The following FRMD6 variants were observed in gnomAD, a reference collection of about 807,000 sequenced individuals.
FRMD6 encodes FERM domain-containing protein 6.
FRMD6 carries 37 observed loss-of-function variants against 73.2 expected under a neutral mutation model. The ratio of observed to expected loss-of-function variants is 0.51; its 90% CI spans 0.39 to 0.66. FRMD6 has a LOEUF of 0.66. Ranked by LOEUF, FRMD6 falls within the 30% of genes least tolerant of loss-of-function variation. The probability of loss-of-function intolerance (pLI) is 0.00; values close to 1 mark genes in which losing one functional copy is unlikely to be tolerated. For missense variants in FRMD6, 714 were observed against 780.5 expected (o/e 0.91, Z 1.02); for synonymous variants, 273 against 282.2 (o/e 0.97, Z 0.33).
At chr14:51,409,219 A>T in the FRMD6 span, among the ~76,000 whole-genome samples, 1 of 151,774 alleles carries the variant, frequency 6.6e-6, no homozygotes, top group Admixed American at 6.6e-5. Context: ...TCTTCCTCCA[A>T]TCCTTCGCGA....
chr14:51,604,430 G>C (rs538555553), intron 2 of FRMD6, among the ~76,000 whole-genome samples: 1 of 152,134 alleles, frequency 6.6e-6, no homozygotes, highest in African/African-American at 2.4e-5. Flanking sequence ...ATTATTATTA[G>C]TGTGCTTTCA....
intron 2 of FRMD6, among the ~76,000 whole-genome samples, chr14:51,571,428 A>G (rs1478848015): frequency 6.6e-6 from 1 of 152,202 alleles, no homozygotes; most frequent in East Asian, 1.9e-4. Flanking sequence ...GGTATGCTGG[A>G]GTTCTCCACA....
intron 1 of FRMD6, among the ~76,000 whole-genome samples, chr14:51,560,745 A>G (rs1250503507): frequency 2.0e-5 from 3 of 152,116 alleles, no homozygotes; most frequent in Non-Finnish European, 4.4e-5. Flanking sequence ...CAGACTCCCA[A>G]AGTGCTGGGA....
intron 1 of FRMD6, among the ~76,000 whole-genome samples, chr14:51,518,865 A>G (rs1348776579): frequency 6.6e-6 from 1 of 152,210 alleles, no homozygotes; most frequent in Non-Finnish European, 1.5e-5. Context: ...TTATTATAGC[A>G]AATTATGCAT....
At chr14:51,453,275 C>T in the FRMD6 span, among the ~76,000 whole-genome samples, 6 of 151,890 alleles carry the variant, frequency 4.0e-5, no homozygotes, top group Admixed American at 1.3e-4. Context: ...GGCTTTGAGT[C>T]GGGGGCTGGC....
intron 2 of FRMD6, among the ~76,000 whole-genome samples, chr14:51,605,101 T>G (rs2139828516): frequency 6.6e-6 from 1 of 151,194 alleles, no homozygotes; most frequent in Admixed American, 6.6e-5. Context: ...TGTTACATAG[T>G]CATTACTTTT....
chr14:51,431,878 T>C, the FRMD6 span, among the ~76,000 whole-genome samples: 2 of 152,296 alleles, frequency 1.3e-5, no homozygotes, highest in South Asian at 2.1e-4. Context: ...AGATTGCTCA[T>C]GTGGAAAGAA....
intron 2 of FRMD6, among the ~76,000 whole-genome samples, chr14:51,606,332 A>T (rs545530979): frequency 6.6e-6 from 1 of 152,352 alleles, no homozygotes; most frequent in African/African-American, 2.4e-5. Context: ...GTATATACAC[A>T]GTCACACATA....
At chr14:51,471,077 T>C in the FRMD6 span, among the ~76,000 whole-genome samples, 1 of 152,238 alleles carries the variant, frequency 6.6e-6, no homozygotes, top group South Asian at 2.1e-4. Flanking sequence ...AATTGCTTAC[T>C]AATGGGGTTC....
At chr14:51,679,970 G>C (rs1201405634) in intron 1 of FRMD6, among the ~76,000 whole-genome samples, 1 of 152,152 alleles carries the variant, frequency 6.6e-6, no homozygotes, top group Non-Finnish European at 1.5e-5. Context: ...AGAAGAAGGG[G>C]GAAGGGTTGA....
intron 2 of FRMD6, among the ~76,000 whole-genome samples, chr14:51,637,029 G>A (rs959304693): frequency 1.3e-5 from 2 of 152,170 alleles, no homozygotes; most frequent in Admixed American, 6.5e-5. Context: ...TTTGAGACCA[G>A]TCTGGGCAAC....
intron 1 of FRMD6, among the ~76,000 whole-genome samples, chr14:51,665,772 C>A (rs776193173): frequency 6.6e-6 from 1 of 152,102 alleles, no homozygotes; most frequent in Non-Finnish European, 1.5e-5. Context: ...TGAATCATGG[C>A]GGTGTGTCTT....
chr14:51,727,509 T>C (rs1898041289), intron 13 of FRMD6, among the ~76,000 whole-genome samples: 1 of 152,196 alleles, frequency 6.6e-6, no homozygotes, highest in African/African-American at 2.4e-5. Context: ...ATGCCGAGTA[T>C]TTAGGTCAGG....
At chr14:51,488,776 G>A (rs1052235485), upstream of FRMD6, among the ~76,000 whole-genome samples, 10 of 152,240 alleles carry the variant, frequency 6.6e-5, no homozygotes, top group African/African-American at 2.2e-4. Context: ...GCTTGACAAA[G>A]TGTAGCTGCT....
chr14:51,603,954 A>T (rs1376876198), intron 2 of FRMD6, among the ~76,000 whole-genome samples: 1 of 152,142 alleles, frequency 6.6e-6, no homozygotes, highest in Non-Finnish European at 1.5e-5. Context: ...CAAAAAAAAA[A>T]AAAAAGTCCC....
At chr14:51,437,412 C>G in the FRMD6 span, among the ~76,000 whole-genome samples, 2 of 152,224 alleles carry the variant, frequency 1.3e-5, no homozygotes, top group African/African-American at 2.4e-5. Flanking sequence ...AAGCGATTCT[C>G]CTGCCTCAGC....
intron 2 of FRMD6, among the ~76,000 whole-genome samples, chr14:51,604,159 GGCAGAATGTCTGCATGTGTGTGATGGT>G (rs948657839): frequency 6.6e-6 from 1 of 152,162 alleles, no homozygotes; most frequent in Admixed American, 6.5e-5. Context: ...GCTGGGTGGG[GGCAGAATGTCTGCATGTGTGTGATGGT>G]GCAGGTCTGG....
intron 2 of FRMD6, among the ~76,000 whole-genome samples, chr14:51,582,044 C>T (rs1294816460): frequency 2.0e-5 from 3 of 152,182 alleles, no homozygotes; most frequent in Non-Finnish European, 4.4e-5. Flanking sequence ...TAGAATAGGA[C>T]CTGTCTTATT....
the FRMD6 span, among the ~76,000 whole-genome samples, chr14:51,458,068 C>G: frequency 6.6e-6 from 1 of 152,198 alleles, no homozygotes; most frequent in Non-Finnish European, 1.5e-5. Flanking sequence ...AGGTAAAAAG[C>G]AGACTTGCAT....
Sources: allele counts gnomAD v4.1 joint callset (sites outside exome capture counted in the v4.1 genomes callset), GRCh38; gene constraint gnomAD v4.1.1; transcripts MANE v1.5; gene names NCBI Gene and HGNC (gene_info 2026-07-23, HGNC 2026-07-21).